The following BRINP3 variants were observed in gnomAD, a reference collection of about 807,000 sequenced individuals.
BRINP3 encodes BMP/retinoic acid inducible neural specific 3.
A neutral mutation model predicts 71.0 loss-of-function variants in BRINP3; 19 were observed. That is an observed-to-expected ratio of 0.27 (90% CI 0.19 to 0.39). The LOEUF (loss-of-function observed/expected upper bound fraction) is 0.39, where lower values mean the gene tolerates loss of function less well. Among genes scored for constraint, BRINP3 ranks in the 10% least tolerant of loss-of-function variants. BRINP3 has a pLI of 1.00. For synonymous variants in BRINP3, 380 were observed against 337.7 expected (o/e 1.13, Z -1.37); for missense variants, 959 against 940.8 (o/e 1.02, Z -0.25).
intron 2 of BRINP3, among the ~76,000 whole-genome samples, chr1:190,409,771 G>A (rs1672541291): frequency 6.6e-6 from 1 of 152,006 alleles, no homozygotes; most frequent in Non-Finnish European, 1.5e-5. Context: ...AAATAAAGAG[G>A]GAAATGCTTC....
At chr1:190,140,073 C>T (rs1655303767) in intron 7 of BRINP3, among the ~76,000 whole-genome samples, 1 of 152,108 alleles carries the variant, frequency 6.6e-6, no homozygotes, top group Non-Finnish European at 1.5e-5. Context: ...AATATTTCAA[C>T]TGGGTTTTGA....
intron 2 of BRINP3, among the ~76,000 whole-genome samples, chr1:190,387,847 C>T (rs1671009762): frequency 6.6e-6 from 1 of 151,696 alleles, no homozygotes. Flanking sequence ...CTCTAGATTT[C>T]TTCACTGAAT....
chr1:190,169,871 A>G (rs2102492254), intron 6 of BRINP3, among the ~76,000 whole-genome samples: 1 of 152,274 alleles, frequency 6.6e-6, no homozygotes, highest in Middle Eastern at 3.4e-3. Context: ...AGCACTTTAC[A>G]TGGATTAGCC....
At chr1:190,368,938 T>A (rs1487768726) in intron 2 of BRINP3, among the ~76,000 whole-genome samples, 2 of 152,144 alleles carry the variant, frequency 1.3e-5, no homozygotes, top group Non-Finnish European at 2.9e-5. Context: ...TGTAACTGGT[T>A]ACAGAAAATA....
chr1:190,347,382 C>T (rs10920702), intron 2 of BRINP3, among the ~76,000 whole-genome samples: 24,517 of 151,964 alleles, frequency 0.16, 1,978 homozygotes, highest in South Asian at 0.2. Flanking sequence ...CCTCATGATC[C>T]GCCCACCTTG....
chr1:190,409,420 T>C lies in BRINP3; in HGVS notation c.236+45235A>G, dbSNP rs184841760. ...AAAAGAATCTCATTGTCTTTGAATT[T>C]CTAGAACTGGATCTCCTTCAAAATC... is the stretch of plus-strand genomic sequence containing the variant. On this transcript the variant is annotated intron_variant, in intron 2 of 7. Coordinates refer to ENST00000367462, the MANE Select transcript of BRINP3 (RefSeq NM_199051.3). Among the ~76,000 whole-genome samples the C allele has an allele frequency of 7.2e-5, 11 of 152,304 alleles. No individual in the cohort carries two copies. The East Asian group carries it at 1.5e-3, about 21-fold the overall frequency.
intron 2 of BRINP3, among the ~76,000 whole-genome samples, chr1:190,410,127 G>A (rs1342004703): frequency 6.6e-6 from 1 of 151,902 alleles, no homozygotes; most frequent in Non-Finnish European, 1.5e-5. Flanking sequence ...AGAGAGAACA[G>A]ATTAAAGATG....
At chr1:190,253,256 T>A (rs1660318398) in intron 4 of BRINP3, among the ~76,000 whole-genome samples, 1 of 151,978 alleles carries the variant, frequency 6.6e-6, no homozygotes, top group Non-Finnish European at 1.5e-5. Flanking sequence ...GTGTCTTATA[T>A]TAGCATGATT....
At chr1:190,281,448 A>T in intron 3 of BRINP3, 112 bp downstream of exon 3, 1 of 964,468 alleles carries the variant, frequency 1.0e-6, no homozygotes, top group Non-Finnish European at 1.6e-6. Flanking sequence ...TGAATGAATG[A>T]GTTCTATAAC....
chr1:190,324,478 G>A (rs140116348), intron 2 of BRINP3, among the ~76,000 whole-genome samples: 37 of 151,908 alleles, frequency 2.4e-4, no homozygotes, highest in South Asian at 1.9e-3. Context: ...AAAATGTAGC[G>A]TTAATAAATC....
At chr1:190,389,541 A>G (rs750874078) in intron 2 of BRINP3, among the ~76,000 whole-genome samples, 16 of 151,956 alleles carry the variant, frequency 1.1e-4, no homozygotes, top group Non-Finnish European at 1.6e-4. Flanking sequence ...TATAAAGGGA[A>G]ACACATTGGA....
intron 2 of BRINP3, among the ~76,000 whole-genome samples, chr1:190,300,212 C>G (rs1664572254): frequency 6.6e-6 from 1 of 152,148 alleles, no homozygotes; most frequent in South Asian, 2.1e-4. Flanking sequence ...TTGGTCTTTT[C>G]ACATAGTCCC....
rs1402255904 is a variant in BRINP3 at position 190,413,230 on chromosome 1, G to A, written c.236+41425C>T. Among the ~76,000 whole-genome samples, 5 of 151,936 alleles carry A rather than the reference G, an allele frequency of 3.3e-5. No homozygotes were observed. In the East Asian group the frequency reaches 9.7e-4, roughly 29 times the overall value. On this transcript the variant is annotated intron_variant, in intron 2 of 7. Transcript: ENST00000367462. The stretch of plus-strand genomic sequence containing the variant: ...GTATGTGCACCTGTGCGTGTGTTTT[G>A]TGTATATTAACTAAAAATTAAAAGT...
chr1:190,243,352 T>C (rs1422429807), intron 4 of BRINP3, among the ~76,000 whole-genome samples: 1 of 152,064 alleles, frequency 6.6e-6, no homozygotes, highest in Non-Finnish European at 1.5e-5. Flanking sequence ...TTTTTTTAGA[T>C]AACACAGAGC....
chr1:190,109,033 T>C (rs935810941), intron 7 of BRINP3, among the ~76,000 whole-genome samples: 1 of 152,182 alleles, frequency 6.6e-6, no homozygotes, highest in Non-Finnish European at 1.5e-5. Context: ...TCAGCCTTAA[T>C]GTAATTTTTG....
chr1:190,151,944 A>C (rs1385071943), intron 7 of BRINP3, among the ~76,000 whole-genome samples: 2 of 152,170 alleles, frequency 1.3e-5, no homozygotes, highest in African/African-American at 4.8e-5. Context: ...TTTAACAGGC[A>C]TTTAAGGAAG....
chr1:190,211,648 T>G (rs1347211032), intron 6 of BRINP3, among the ~76,000 whole-genome samples: 1 of 152,156 alleles, frequency 6.6e-6, no homozygotes, highest in Non-Finnish European at 1.5e-5. Flanking sequence ...TCTTTTCTGA[T>G]AGTTGGAATG....
intron 2 of BRINP3, among the ~76,000 whole-genome samples, chr1:190,390,992 G>C (rs1408254989): frequency 6.6e-6 from 1 of 151,816 alleles, no homozygotes; most frequent in Non-Finnish European, 1.5e-5. Flanking sequence ...TTCTCAAAGA[G>C]TATGGCTGTG....
intron 3 of BRINP3, among the ~76,000 whole-genome samples, chr1:190,269,793 T>G (rs1452151980): frequency 6.6e-6 from 1 of 152,048 alleles, no homozygotes; most frequent in Non-Finnish European, 1.5e-5. Context: ...GGCCTTCTGA[T>G]GTATTGTTGG....
Sources: gnomAD v4.1 joint callset for allele counts (sites outside exome capture counted in the v4.1 genomes callset) on GRCh38, gnomAD v4.1.1 for gene constraint, MANE v1.5 for transcripts, NCBI Gene and HGNC (gene_info 2026-07-23, HGNC 2026-07-21) for gene names.